RGS6: variants seen among roughly 807,000 people sequenced by gnomAD.
RGS6 encodes regulator of G-protein signaling 6.
Under a neutral mutation model 78.5 loss-of-function variants are expected in RGS6, and 30 were observed. That is an observed-to-expected ratio of 0.38 (90% CI 0.29 to 0.52). The LOEUF is 0.52. Ranked by LOEUF, RGS6 falls within the 20% of genes least tolerant of loss-of-function variation. The pLI is 0.85. For missense variants in RGS6, 495 were observed against 609.7 expected, an observed-to-expected ratio of 0.81 and a Z score of 1.98; for synonymous variants, 206 against 206.0, an observed-to-expected ratio of 1.00 and a Z score of 0.00.
chr14:72,187,917 G>A (rs1157166401), intron 2 of RGS6, among the ~76,000 whole-genome samples: 1 of 152,158 alleles, frequency 6.6e-6, no homozygotes, highest in Non-Finnish European at 1.5e-5. Flanking sequence ...CCCCATGCAT[G>A]TTTCTAGTTG....
chr14:72,279,717 T>C (rs1472759824), intron 2 of RGS6, among the ~76,000 whole-genome samples: 4 of 151,844 alleles, frequency 2.6e-5, no homozygotes, highest in Non-Finnish European at 4.4e-5. Flanking sequence ...AAAGGAAGAG[T>C]GATTTGGCGA....
intron 3 of RGS6, among the ~76,000 whole-genome samples, chr14:72,443,978 C>A (rs1481574912): frequency 6.6e-6 from 1 of 152,222 alleles, no homozygotes; most frequent in Non-Finnish European, 1.5e-5. Context: ...ACCCAGCCTC[C>A]ATTTAATAAG....
chr14:72,114,663 A>G (rs1389134146), intron 2 of RGS6, among the ~76,000 whole-genome samples: 1 of 152,218 alleles, frequency 6.6e-6, no homozygotes, highest in Non-Finnish European at 1.5e-5. Flanking sequence ...TGGAGTTCAT[A>G]AATACAAATG....
chr14:72,242,843 T>C (rs868645978), intron 2 of RGS6, among the ~76,000 whole-genome samples: 200 of 9,622 alleles, frequency 0.021, no homozygotes, highest in African/African-American at 0.029. Context: ...TCTTTTCTTT[T>C]TTTTTTTTTT....
chr14:72,468,381 A>AC (rs1055538928), intron 7 of RGS6, among the ~76,000 whole-genome samples: 8 of 152,100 alleles, frequency 5.3e-5, no homozygotes, highest in Non-Finnish European at 1.0e-4. Flanking sequence ...GTCTCAAAAA[A>AC]AAAAAAAAGA....
intron 2 of RGS6, among the ~76,000 whole-genome samples, chr14:72,178,460 G>A (rs1458610859): frequency 6.6e-6 from 1 of 152,134 alleles, no homozygotes; most frequent in African/African-American, 2.4e-5. Context: ...GTTCCAGTTC[G>A]CTCTTTCAAG....
intron 2 of RGS6, among the ~76,000 whole-genome samples, chr14:72,194,224 G>T (rs1390569230): frequency 6.6e-6 from 1 of 152,150 alleles, no homozygotes; most frequent in Non-Finnish European, 1.5e-5. Flanking sequence ...AAAGAAAGCA[G>T]TGTGGGTCAA....
chr14:72,193,629 G>A (rs2039279759), intron 2 of RGS6, among the ~76,000 whole-genome samples: 1 of 152,206 alleles, frequency 6.6e-6, no homozygotes, highest in African/African-American at 2.4e-5. Context: ...GTAATATGTG[G>A]TATGGAGAAA....
chr14:72,329,171 A>C (rs982301041), intron 2 of RGS6, among the ~76,000 whole-genome samples: 3 of 152,238 alleles, frequency 2.0e-5, no homozygotes, highest in Admixed American at 2.0e-4. Context: ...ACTGTGCCCA[A>C]CCAACACTAT....
intron 2 of RGS6, among the ~76,000 whole-genome samples, chr14:72,319,985 T>A (rs2071443482): frequency 6.6e-6 from 1 of 152,216 alleles, no homozygotes; most frequent in African/African-American, 2.4e-5. Flanking sequence ...CAATCAATAC[T>A]ACTCTGTATT....
At chr14:72,092,084 G>T (rs560321788) in intron 2 of RGS6, among the ~76,000 whole-genome samples, 17 of 151,956 alleles carry the variant, frequency 1.1e-4, no homozygotes, top group Admixed American at 5.9e-4. Flanking sequence ...GGAGTGTGAA[G>T]GTGCCATCTC....
chr14:72,375,889 C>T lies in RGS6; in HGVS notation c.184+23695C>T, dbSNP rs143479103. On this transcript the variant is annotated intron_variant, in intron 3 of 17. Coordinates refer to ENST00000553525, the MANE Select transcript of RGS6 (RefSeq NM_001204424.2). ...AATAAATCTTTTCCTATTAAACCTA[C>T]TCCATAAAATTGGAAGAGGTGACTG... 6.5e-3 allele frequency among the ~76,000 whole-genome samples: 989 copies of T among 152,296 alleles called. 3 individuals are homozygous for T. The highest frequency in any genetic ancestry group is 0.024 in the Middle Eastern group (7 of 294).
At chr14:71,912,940 C>T in the RGS6 span, among the ~76,000 whole-genome samples, 1 of 152,060 alleles carries the variant, frequency 6.6e-6, no homozygotes, top group Non-Finnish European at 1.5e-5. Flanking sequence ...ATTCTCCTGC[C>T]TCAGCCTCCC....
chr14:72,099,325 A>T (rs916407633), intron 2 of RGS6, among the ~76,000 whole-genome samples: 1 of 151,934 alleles, frequency 6.6e-6, no homozygotes, highest in African/African-American at 2.4e-5. Flanking sequence ...ATGCCCGGCT[A>T]ATTTTTTATA....
intron 1 of RGS6, among the ~76,000 whole-genome samples, chr14:71,938,258 A>G (rs1027105187): frequency 6.6e-6 from 1 of 152,172 alleles, no homozygotes; most frequent in Non-Finnish European, 1.5e-5. Context: ...TTTTTCAATC[A>G]TGCTTCTTCC....
intron 2 of RGS6, among the ~76,000 whole-genome samples, chr14:72,030,577 A>G (rs1425393164): frequency 6.6e-6 from 1 of 152,212 alleles, no homozygotes; most frequent in Non-Finnish European, 1.5e-5. Context: ...ATAAATTACT[A>G]GAAAGATTTC....
intron 2 of RGS6, among the ~76,000 whole-genome samples, chr14:72,010,062 A>G (rs1309981751): frequency 6.6e-6 from 1 of 152,198 alleles, no homozygotes; most frequent in African/African-American, 2.4e-5. Context: ...CCATGGGTAT[A>G]AGAATTAGTG....
At chr14:72,541,775 A>G (rs11628659) in intron 17 of RGS6, among the ~76,000 whole-genome samples, 26,766 of 152,186 alleles carry the variant, frequency 0.18, 2,667 homozygotes, top group African/African-American at 0.26. Context: ...CGTGCAGGCC[A>G]CGGGTGTGAG....
chr14:72,411,748 C>T (rs975172280), intron 3 of RGS6, among the ~76,000 whole-genome samples: 1 of 152,108 alleles, frequency 6.6e-6, no homozygotes, highest in African/African-American at 2.4e-5. Context: ...CCCATCAATA[C>T]CTAATTTATT....
Sources: gnomAD v4.1 joint callset for allele counts (sites outside exome capture counted in the v4.1 genomes callset) on GRCh38, gnomAD v4.1.1 for gene constraint, MANE v1.5 for transcripts, NCBI Gene and HGNC (gene_info 2026-07-23, HGNC 2026-07-21) for gene names.